Variants in PSMD1 observed in about 807,000 individuals in gnomAD.
PSMD1 encodes proteasome 26S subunit, non-ATPase 1, also known as 26S proteasome non-ATPase regulatory subunit 1.
A neutral mutation model predicts 119.0 loss-of-function variants in PSMD1; 18 were observed. The ratio of observed to expected loss-of-function variants is 0.15; its 90% confidence interval spans 0.10 to 0.22. The LOEUF (loss-of-function observed/expected upper bound fraction) is 0.22. PSMD1 is among the 10% of genes least tolerant of loss of function. PSMD1 has a pLI of 1.00. For synonymous variants in PSMD1, 374 were observed against 396.6 expected, an observed-to-expected ratio of 0.94 and a Z score of 0.68; for missense variants, 702 against 1,158.5, an observed-to-expected ratio of 0.61 and a Z score of 5.72.
chr2:231,168,887 A>C (rs1392341248), intron 23 of PSMD1, among the ~76,000 whole-genome samples: 1 of 152,236 alleles, frequency 6.6e-6, no homozygotes, highest in African/African-American at 2.4e-5. Flanking sequence ...ACCCTTCCTC[A>C]GACACTGCAT....
rs746172195 is a variant in PSMD1, at chr2:231,072,355, C to T, written c.821C>T (p.Pro274Leu). 3.1e-6 allele frequency: 5 copies of T among 1,614,056 alleles called. No individual in the cohort carries two copies. In the Admixed American group the frequency reaches 6.7e-5, roughly 22 times the overall value. ...VIQNLRTVGT[P>L]IASVPGSTNT... ...CAGAATCTTCGAACTGTTGGCACCCCTATTGCTTCTGTGCCTGGATCCACT... is the reference window on the plus strand; with the variant it reads ...CAGAATCTTCGAACTGTTGGCACCCTTATTGCTTCTGTGCCTGGATCCACT... Residue 274 changes from proline (P) to leucine (L), a missense_variant, in exon 7 of 25, where the codon CCT (proline) becomes CTT (leucine). Physicochemically the swap from Pro to Leu is moderately conservative, Grantham distance 98. Around this residue, in one of 9 missense-constraint regions of PSMD1, gnomAD observed 69 missense variants for 71.6 expected, o/e 0.96. Coordinates refer to ENST00000308696, the MANE Select transcript of PSMD1 (RefSeq NM_002807.4).
chr2:231,139,174 C>T (rs1696042440), intron 17 of PSMD1: 1 of 368,836 alleles, frequency 2.7e-6, no homozygotes, highest in Non-Finnish European at 5.3e-6. Flanking sequence ...CTCTTTCATC[C>T]AGGCTGGAGT....
chr2:231,149,373 A>G lies in PSMD1; in HGVS notation c.2115+3017A>G, dbSNP rs1696320608. Among the ~76,000 whole-genome samples the G allele has an allele frequency of 3.9e-5, 6 of 152,284 alleles. No individual in the cohort carries two copies. The South Asian group carries it at 1.2e-3, about 32-fold the overall frequency. ...TCTTTTGTTTTTCTTGTTAAATGAA[A>G]TCCACCATTAAGATGGGCACAGTGG... On this transcript the variant is annotated intron_variant, in intron 18 of 24. Coordinates refer to ENST00000308696, the MANE Select transcript of PSMD1 (RefSeq NM_002807.4).
chr2:231,131,628 G>A (rs1695855024), intron 16 of PSMD1, among the ~76,000 whole-genome samples: 3 of 93,156 alleles, frequency 3.2e-5, no homozygotes, highest in Admixed American at 2.7e-4. Context: ...CGGGCGTAGT[G>A]GCGGGCGCCT....
rs35533383 is a variant in PSMD1, at chr2:231,161,238, TAAAA to T, written c.2219-91_2219-88del. ...GGGTAACAGTGAGACCCTATCTCTT[TAAAA>T]AAAAAAAAAAGAAAGAAAGAAAGAT... On this transcript the variant is annotated intron_variant, in intron 19 of 24. Coordinates refer to ENST00000308696, the MANE Select transcript of PSMD1 (RefSeq NM_002807.4). 5 of 959,240 alleles carry T rather than the reference TAAAA, an allele frequency of 5.2e-6. No individual in the cohort carries two copies. In the Admixed American group the frequency reaches 9.0e-5, roughly 17 times the overall value. 59.4% of individuals were successfully genotyped at this position (959,240 alleles called of 1,614,324 possible).
intron 16 of PSMD1, among the ~76,000 whole-genome samples, chr2:231,116,206 C>G (rs1277877812): frequency 2.0e-5 from 3 of 151,950 alleles, no homozygotes; most frequent in African/African-American, 7.3e-5. Flanking sequence ...AACTAACAGT[C>G]TAAGTATAGT....
At chr2:231,085,595 G>T (rs1439477374) in intron 15 of PSMD1, among the ~76,000 whole-genome samples, 1 of 152,152 alleles carries the variant, frequency 6.6e-6, no homozygotes, top group Non-Finnish European at 1.5e-5. Flanking sequence ...CCGCACTCTA[G>T]CCTGTGCGAC....
chr2:231,131,678 C>T (rs1417263516), intron 16 of PSMD1, among the ~76,000 whole-genome samples: 1 of 68,312 alleles, frequency 1.5e-5, no homozygotes, highest in Non-Finnish European at 2.3e-5. Flanking sequence ...AGGAGAATGG[C>T]GTGAACCCGG....
At chr2:231,168,790 T>C (rs971436047) in intron 23 of PSMD1, among the ~76,000 whole-genome samples, 5 of 152,240 alleles carry the variant, frequency 3.3e-5, no homozygotes, top group African/African-American at 4.8e-5. Context: ...GAATTTTATG[T>C]TAATATATCT....
intron 17 of PSMD1, among the ~76,000 whole-genome samples, chr2:231,144,973 G>T (rs2125253192): frequency 6.6e-6 from 1 of 152,168 alleles, no homozygotes; most frequent in Admixed American, 6.5e-5. Flanking sequence ...AATTTTTTAT[G>T]ACCTCTTACC....
chr2:231,118,789 T>G (rs1315737846), intron 16 of PSMD1, among the ~76,000 whole-genome samples: 1 of 152,198 alleles, frequency 6.6e-6, no homozygotes, highest in East Asian at 1.9e-4. Context: ...AATGTTTCCC[T>G]TTGGAGGATG....
intron 2 of PSMD1, 91 bp from the exon 3 acceptor site, chr2:231,062,157 A>G (rs1574700903): frequency 1.3e-6 from 1 of 785,826 alleles, no homozygotes; most frequent in Admixed American, 2.5e-5. Context: ...AATATTACTG[A>G]GGATTTGATC....
At chr2:231,126,577 T>C (rs776196144) in intron 16 of PSMD1, among the ~76,000 whole-genome samples, 2 of 152,162 alleles carry the variant, frequency 1.3e-5, no homozygotes, top group African/African-American at 4.8e-5. Flanking sequence ...AGCAGCACCA[T>C]TTTATATCCA....
chr2:231,113,695 G>C (rs1419284672), intron 16 of PSMD1: 6 of 1,581,846 alleles, frequency 3.8e-6, no homozygotes, highest in Non-Finnish European at 5.2e-6. Flanking sequence ...CAAAGATTTT[G>C]TATACCACCC....
intron 16 of PSMD1, chr2:231,109,435 T>G (rs754550450): frequency 6.3e-7 from 1 of 1,597,012 alleles, no homozygotes; most frequent in Non-Finnish European, 8.6e-7. Context: ...ACAAGATAAA[T>G]TGAGTCATTT....
At chr2:231,093,773 G>GT (rs1400391617) in intron 16 of PSMD1, among the ~76,000 whole-genome samples, 4 of 151,228 alleles carry the variant, frequency 2.6e-5, no homozygotes, top group Non-Finnish European at 5.9e-5. Context: ...CCCCTTTTTT[G>GT]TTTTTTTGAG....
chr2:231,075,289 A>G (rs1003494131), intron 7 of PSMD1, among the ~76,000 whole-genome samples: 50 of 152,202 alleles, frequency 3.3e-4, no homozygotes, highest in African/African-American at 1.1e-3. Context: ...TTTGTTGTCC[A>G]TGGTTTTGCT....
At chr2:231,098,978 A>C (rs1186766811) in intron 16 of PSMD1, among the ~76,000 whole-genome samples, 1 of 152,092 alleles carries the variant, frequency 6.6e-6, no homozygotes, top group African/African-American at 2.4e-5. Flanking sequence ...TCTACTTCAC[A>C]CTGGAGTCCT....
intron 19 of PSMD1, among the ~76,000 whole-genome samples, chr2:231,158,496 C>T (rs536813898): frequency 1.8e-4 from 27 of 152,142 alleles, no homozygotes; most frequent in South Asian, 1.7e-3. Flanking sequence ...ATAAACTCTA[C>T]CTTATTTATT....
Sources: gnomAD v4.1 joint callset for allele counts (sites outside exome capture counted in the v4.1 genomes callset) on GRCh38, gnomAD v4.1.1 for gene constraint, gnomAD v4.1.1 regional missense constraint, MANE v1.5 for transcripts, NCBI Gene and HGNC (gene_info 2026-07-23, HGNC 2026-07-21) for gene names.